Variants in ZNF69 observed in about 807,000 individuals in gnomAD.
The protein encoded by ZNF69 is ZNF3.
ZNF69 carries 47 observed loss-of-function variants against 50.9 expected under a neutral mutation model. The ratio of observed to expected loss-of-function variants is 0.92; its 90% confidence interval spans 0.73 to 1.18. The LOEUF is 1.18. Among genes scored for constraint, ZNF69 ranks in the 50% most tolerant of loss-of-function variants. The probability of loss-of-function intolerance (pLI) is 0.00; values close to 1 mark genes in which losing one functional copy is unlikely to be tolerated. For synonymous variants in ZNF69, 216 were observed against 223.1 expected, an observed-to-expected ratio of 0.97 and a Z score of 0.29; for missense variants, 717 against 675.1, an observed-to-expected ratio of 1.06 and a Z score of -0.69.
At chr19:11,960,627 A>G in the ZNF69 span, among the ~76,000 whole-genome samples, 1 of 151,072 alleles carries the variant, frequency 6.6e-6, no homozygotes, top group Non-Finnish European at 1.5e-5. Context: ...AAACCAAGAT[A>G]TCTGTACATG....
downstream of ZNF69, among the ~76,000 whole-genome samples, chr19:11,914,874 AGAT>A (rs1242735723): frequency 2.0e-5 from 3 of 152,210 alleles, no homozygotes; most frequent in Admixed American, 1.3e-4. Context: ...GTTGATTGTC[AGAT>A]CACACAAAGT....
intron 1 of ZNF69, among the ~76,000 whole-genome samples, chr19:11,893,497 T>C (rs536561600): frequency 5.9e-5 from 9 of 152,302 alleles, no homozygotes; most frequent in African/African-American, 2.2e-4. Context: ...ACTAGACATT[T>C]TCCCGAAAAA....
the ZNF69 span, among the ~76,000 whole-genome samples, chr19:11,953,970 C>T: frequency 2.0e-5 from 3 of 151,910 alleles, no homozygotes; most frequent in African/African-American, 7.3e-5. Context: ...TGGAAAATAC[C>T]TTGATTTATG....
At chr19:11,946,590 G>C in the ZNF69 span, among the ~76,000 whole-genome samples, 1 of 152,120 alleles carries the variant, frequency 6.6e-6, no homozygotes, top group African/African-American at 2.4e-5. Flanking sequence ...CTGGCTTACA[G>C]GTAATCTTGT....
In ZNF69 at chr19:11,906,383, G is replaced by C; in HGVS notation, c.*285G>C. 4 of 679,274 alleles carry C rather than the reference G, an allele frequency of 5.9e-6. No homozygotes were observed. In the South Asian group the frequency reaches 1.6e-4, roughly 27 times the overall value. The allele number at this position is 679,274 out of a possible 1,614,324, so 42.1% of individuals were successfully genotyped here. ...GAATGGACAGTCTGCCTCCTCAAGT[G>C]GGTCCCTGATCTCCAAGTAGCCTAA... On this transcript the variant is annotated 3_prime_UTR_variant, in exon 4 of 4. Transcript: ENST00000429654.
At chr19:11,914,468 A>G (rs983066146), downstream of ZNF69, 6 of 152,186 alleles carry the variant, frequency 3.9e-5, no homozygotes, top group Non-Finnish European at 7.3e-5. Flanking sequence ...AAAACATAAA[A>G]TCATTTATGC....
chr19:11,938,371 C>G, the ZNF69 span, among the ~76,000 whole-genome samples: 2 of 152,142 alleles, frequency 1.3e-5, no homozygotes, highest in African/African-American at 4.8e-5. Flanking sequence ...TCTCCTTATG[C>G]TATCCCTCTC....
chr19:11,908,865 A>G (rs1367161761), downstream of ZNF69, among the ~76,000 whole-genome samples: 1 of 152,202 alleles, frequency 6.6e-6, no homozygotes, highest in Admixed American at 6.5e-5. Flanking sequence ...ACCCTTCAAA[A>G]AATCAGTGAA....
downstream of ZNF69, among the ~76,000 whole-genome samples, chr19:11,907,198 T>G (rs1972391413): frequency 6.6e-6 from 1 of 152,206 alleles, no homozygotes; most frequent in South Asian, 2.1e-4. Flanking sequence ...AATCTATGTC[T>G]GATTGGTGTA....
chr19:11,967,261 A>G, the ZNF69 span, among the ~76,000 whole-genome samples: 1 of 152,164 alleles, frequency 6.6e-6, no homozygotes, highest in African/African-American at 2.4e-5. Flanking sequence ...ACTTGAACCC[A>G]GGAGGCAGAA....
the ZNF69 span, among the ~76,000 whole-genome samples, chr19:11,922,195 T>C: frequency 6.6e-6 from 1 of 152,260 alleles, no homozygotes; most frequent in Non-Finnish European, 1.5e-5. Context: ...TATTATGTTT[T>C]ACAAATGTCT....
the ZNF69 span, chr19:11,949,799 A>G: frequency 1.2e-6 from 2 of 1,613,326 alleles, no homozygotes; most frequent in Non-Finnish European, 1.7e-6. Flanking sequence ...GAGAAACCCT[A>G]TGAGTGTAAG....
chr19:11,889,362 C>T (rs1468302347), intron 1 of ZNF69, among the ~76,000 whole-genome samples: 2 of 152,206 alleles, frequency 1.3e-5, no homozygotes, highest in African/African-American at 2.4e-5. Context: ...ATAAGGAGGC[C>T]TGTCTCACCT....
the ZNF69 span, chr19:11,978,859 G>C: frequency 6.2e-7 from 1 of 1,613,636 alleles, no homozygotes; most frequent in Non-Finnish European, 8.5e-7. Flanking sequence ...GAGAAGCCCT[G>C]TGAATGTAGC....
intron 1 of ZNF69, among the ~76,000 whole-genome samples, chr19:11,896,729 T>A (rs1001602626): frequency 6.6e-6 from 1 of 152,200 alleles, no homozygotes; most frequent in Non-Finnish European, 1.5e-5. Context: ...GATGCAAATA[T>A]TCATGCCGTA....
chr19:11,934,908 C>A, the ZNF69 span, among the ~76,000 whole-genome samples: 143 of 147,276 alleles, frequency 9.7e-4, 21 homozygotes, highest in African/African-American at 3.2e-3. Flanking sequence ...TGGTCGGGTG[C>A]GGTGGCTCAC....
chr19:11,944,775 G>T, the ZNF69 span, among the ~76,000 whole-genome samples: 8 of 152,204 alleles, frequency 5.3e-5, no homozygotes, highest in African/African-American at 1.7e-4. Context: ...GCATTGTGTT[G>T]TTGGCAGGTA....
the ZNF69 span, among the ~76,000 whole-genome samples, chr19:11,945,191 G>A: frequency 6.6e-6 from 1 of 152,226 alleles, no homozygotes; most frequent in Non-Finnish European, 1.5e-5. Flanking sequence ...AAGGCTCACT[G>A]TTGTTGGGAT....
chr19:11,965,730 T>G, the ZNF69 span, among the ~76,000 whole-genome samples: 85 of 152,324 alleles, frequency 5.6e-4, no homozygotes, highest in African/African-American at 2.0e-3. Flanking sequence ...AAATAAAGTT[T>G]ATTCGTAGCC....
Sources: gnomAD v4.1 joint callset for allele counts (sites outside exome capture counted in the v4.1 genomes callset) on GRCh38, gnomAD v4.1.1 for gene constraint, MANE v1.5 for transcripts, NCBI Gene and HGNC (gene_info 2026-07-23, HGNC 2026-07-21) for gene names.